The following NREP variants were observed in gnomAD, a reference collection of about 807,000 sequenced individuals.
NREP encodes the protein neuronal regeneration related protein.
A neutral mutation model predicts 8.6 loss-of-function variants in NREP; 5 were observed. The ratio of observed to expected loss-of-function variants is 0.58; its 90% CI spans 0.30 to 1.22. NREP has a LOEUF of 1.22. Ranked by LOEUF, NREP falls within the 50% of genes most tolerant of loss-of-function variation. The pLI, the probability that NREP is intolerant of heterozygous loss-of-function variation, is 0.07. For missense variants in NREP, 86 were observed against 82.5 expected (o/e 1.04, Z -0.17); for synonymous variants, 27 against 28.0 (o/e 0.96, Z 0.11).
intron 2 of NREP, among the ~76,000 whole-genome samples, chr5:111,764,166 C>G (rs758622264): frequency 6.6e-6 from 1 of 152,322 alleles, no homozygotes; most frequent in East Asian, 1.9e-4. Context: ...TTCAATAGGG[C>G]CTGCAGCATC....
chr5:111,833,361 A>C (rs2112938468), intron 2 of NREP, among the ~76,000 whole-genome samples: 1 of 152,326 alleles, frequency 6.6e-6, no homozygotes, highest in Admixed American at 6.5e-5. Flanking sequence ...CAATGATACT[A>C]CTTTAGCGCC....
chr5:111,824,027 G>A (rs1426823420), intron 2 of NREP, among the ~76,000 whole-genome samples: 1 of 152,098 alleles, frequency 6.6e-6, no homozygotes, highest in African/African-American at 2.4e-5. Context: ...GATTTTTCTA[G>A]AAATTCTGAG....
chr5:111,826,225 C>A (rs1752621673), intron 2 of NREP, among the ~76,000 whole-genome samples: 1 of 152,104 alleles, frequency 6.6e-6, no homozygotes, highest in African/African-American at 2.4e-5. Flanking sequence ...CTGTAGAAAA[C>A]GACCAATCAG....
intron 2 of NREP, among the ~76,000 whole-genome samples, chr5:111,862,634 CTTTA>C (rs1753575226): frequency 6.6e-6 from 1 of 151,962 alleles, no homozygotes; most frequent in African/African-American, 2.4e-5. Flanking sequence ...AGAAGATCAA[CTTTA>C]TTTATCCTTC....
At position 111,779,682 on chromosome 5, in the gene NREP, G is replaced by C. The variant is rs528895659; in HGVS notation, c.136-44175C>G. On this transcript the variant is annotated intron_variant, in intron 2 of 3. Transcript: ENST00000395634. The stretch of plus-strand genomic sequence containing the variant: ...CCAATATTCTTCCAGAATCTGGCTA[G>C]AGACTATTCAGAGAGTATATCTTTC... Among the ~76,000 whole-genome samples the C allele has an allele frequency of 5.3e-5, 8 of 152,304 alleles. No homozygotes were observed. In the South Asian group the frequency reaches 1.2e-3, roughly 24 times the overall value.
At chr5:111,930,990 T>A (rs1054958946) in intron 2 of NREP, among the ~76,000 whole-genome samples, 26 of 152,118 alleles carry the variant, frequency 1.7e-4, no homozygotes, top group African/African-American at 5.3e-4. Context: ...TGTGGGGAAC[T>A]AGCCTGAGTA....
intron 2 of NREP, among the ~76,000 whole-genome samples, chr5:111,806,686 C>T (rs748325434): frequency 7.2e-5 from 11 of 152,094 alleles, no homozygotes; most frequent in Non-Finnish European, 1.2e-4. Flanking sequence ...TGTTTAGATT[C>T]TTGTATTCTG....
intron 2 of NREP, among the ~76,000 whole-genome samples, chr5:111,827,826 C>G (rs890934309): frequency 6.6e-6 from 1 of 151,718 alleles, no homozygotes; most frequent in Non-Finnish European, 1.5e-5. Flanking sequence ...CTGGGCCACA[C>G]GGGATGACTC....
intron 2 of NREP, among the ~76,000 whole-genome samples, chr5:111,895,912 A>G (rs17494914): frequency 0.011 from 1,614 of 152,288 alleles, 17 homozygotes; most frequent in South Asian, 0.036. Context: ...GCAGCAGCCA[A>G]TTGGAATGTA....
In NREP at chr5:111,755,428, G is replaced by C; in HGVS notation, c.3+342C>G. The C allele has an allele frequency of 1.0e-5, 3 of 289,170 alleles. No homozygotes were observed. The South Asian group carries it at 1.3e-4, about 13-fold the overall frequency. The allele number at this position is 289,170 out of a possible 1,614,324, so 17.9% of individuals were successfully genotyped here. ...AGCTCTAAGACCCAAGGCTTTGTTT[G>C]AGCCCTACTGCTGTCACCACCTCCA... On this transcript the variant is annotated intron_variant, in intron 2 of 3. Coordinates refer to ENST00000257435, the MANE Select transcript of NREP (RefSeq NM_004772.4).
intron 2 of NREP, among the ~76,000 whole-genome samples, chr5:111,817,333 T>C (rs532764152): frequency 6.6e-6 from 1 of 152,324 alleles, no homozygotes; most frequent in South Asian, 2.1e-4. Context: ...GATGATAGAC[T>C]TCCTTTTCTC....
At chr5:111,888,941 G>T (rs1024952620) in intron 2 of NREP, among the ~76,000 whole-genome samples, 4 of 152,156 alleles carry the variant, frequency 2.6e-5, no homozygotes, top group African/African-American at 9.7e-5. Context: ...TGGATTGATA[G>T]ATTTCCATAA....
At chr5:111,914,974 T>C (rs866594743) in intron 2 of NREP, among the ~76,000 whole-genome samples, 1 of 152,146 alleles carries the variant, frequency 6.6e-6, no homozygotes, top group African/African-American at 2.4e-5. Flanking sequence ...TATGCATTAA[T>C]ACAAGTCCTT....
intron 2 of NREP, among the ~76,000 whole-genome samples, chr5:111,800,904 C>T (rs916113573): frequency 1.3e-5 from 2 of 152,144 alleles, no homozygotes; most frequent in Admixed American, 6.5e-5. Flanking sequence ...CTTGACAGCA[C>T]CATTTGTCAC....
At chr5:111,886,479 C>A (rs1190350266) in intron 2 of NREP, among the ~76,000 whole-genome samples, 1 of 152,004 alleles carries the variant, frequency 6.6e-6, no homozygotes, top group Non-Finnish European at 1.5e-5. Flanking sequence ...TGAGTATATA[C>A]CCAAAGGACT....
At chr5:111,970,246 T>G (rs947216421) in intron 2 of NREP, among the ~76,000 whole-genome samples, 1 of 152,182 alleles carries the variant, frequency 6.6e-6, no homozygotes, top group African/African-American at 2.4e-5. Context: ...TGAAATTATT[T>G]TGTGTCTAAG....
chr5:111,919,973 A>AACC (rs1561346367), intron 2 of NREP, among the ~76,000 whole-genome samples: 1 of 127,408 alleles, frequency 7.8e-6, no homozygotes, highest in Non-Finnish European at 1.7e-5. Context: ...TAAAAAGAAT[A>AACC]CCCCCCCCCC....
chr5:111,769,994 C>G (rs1751180226), intron 2 of NREP, among the ~76,000 whole-genome samples: 1 of 152,030 alleles, frequency 6.6e-6, no homozygotes, highest in Non-Finnish European at 1.5e-5. Context: ...CGCATGAATC[C>G]CTGAAGATGT....
intron 2 of NREP, among the ~76,000 whole-genome samples, chr5:111,799,851 A>G (rs1419759902): frequency 6.6e-6 from 1 of 152,232 alleles, no homozygotes; most frequent in Non-Finnish European, 1.5e-5. Flanking sequence ...GATATGAAAT[A>G]CAGTGAAAGA....
Sources: gnomAD v4.1 joint callset for allele counts (sites outside exome capture counted in the v4.1 genomes callset) on GRCh38, gnomAD v4.1.1 for gene constraint, MANE v1.5 for transcripts, NCBI Gene and HGNC (gene_info 2026-07-23, HGNC 2026-07-21) for gene names.